Variants in SNX13 observed in about 807,000 individuals in gnomAD.
SNX13 encodes the protein sorting nexin 13, also known as sorting nexin-13.
Under a neutral mutation model 133.6 loss-of-function variants are expected in SNX13, and 45 were observed. That is an observed-to-expected ratio of 0.34 (90% CI 0.27 to 0.43). The LOEUF is 0.43. Ranked by LOEUF, SNX13 falls within the 20% of genes least tolerant of loss-of-function variation. The probability of loss-of-function intolerance (pLI) is 1.00; values close to 1 mark genes in which losing one functional copy is unlikely to be tolerated. For synonymous variants in SNX13, 414 were observed against 373.9 expected (o/e 1.11, Z -1.24); for missense variants, 1,032 against 1,145.1 (o/e 0.90, Z 1.43).
At chr7:17,815,237 A>G (rs1669849606) in intron 19 of SNX13, among the ~76,000 whole-genome samples, 1 of 152,208 alleles carries the variant, frequency 6.6e-6, no homozygotes, top group South Asian at 2.1e-4. Context: ...AGCTTATACT[A>G]AGAAGATCCA....
chr7:17,854,394 A>G (rs1026389910), intron 9 of SNX13, among the ~76,000 whole-genome samples: 3 of 152,236 alleles, frequency 2.0e-5, no homozygotes, highest in African/African-American at 4.8e-5. Flanking sequence ...AAAGTCATTA[A>G]AACAATAAAA....
chr7:17,930,898 T>C (rs954387829), intron 1 of SNX13, among the ~76,000 whole-genome samples: 1 of 152,148 alleles, frequency 6.6e-6, no homozygotes. Flanking sequence ...AGGATCTAGG[T>C]TGCATATTCC....
intron 13 of SNX13, among the ~76,000 whole-genome samples, chr7:17,837,432 A>G (rs931596033): frequency 6.6e-6 from 1 of 152,010 alleles, no homozygotes; most frequent in Non-Finnish European, 1.5e-5. Context: ...GAGCCACTGC[A>G]CCTAGCCTAA....
At chr7:17,811,585 C>T (rs6953831) in intron 20 of SNX13, among the ~76,000 whole-genome samples, 91,353 of 151,500 alleles carry the variant, frequency 0.6, 28,793 homozygotes, top group African/African-American at 0.78. Flanking sequence ...AAGTAATTTA[C>T]AGATTCAACG....
intron 1 of SNX13, among the ~76,000 whole-genome samples, chr7:17,928,676 A>G (rs1801039557): frequency 6.6e-6 from 1 of 152,218 alleles, no homozygotes; most frequent in African/African-American, 2.4e-5. Flanking sequence ...ACATCTTAAA[A>G]TCCTTGATGC....
At chr7:17,801,680 A>G (rs753435904) in intron 21 of SNX13, 21 bp from the exon 22 acceptor site, 1 of 1,563,084 alleles carries the variant, frequency 6.4e-7, no homozygotes, top group Non-Finnish European at 8.8e-7. Flanking sequence ...AACCAAATCC[A>G]CAAAGTAAAC....
intron 2 of SNX13, among the ~76,000 whole-genome samples, chr7:17,895,266 A>G (rs1797079450): frequency 6.6e-6 from 1 of 152,218 alleles, no homozygotes; most frequent in Non-Finnish European, 1.5e-5. Flanking sequence ...TTTAAACTGT[A>G]GTTGGGTGCC....
intron 8 of SNX13, among the ~76,000 whole-genome samples, chr7:17,870,346 T>C (rs796392110): frequency 9.9e-5 from 15 of 152,198 alleles, no homozygotes; most frequent in African/African-American, 2.9e-4. Flanking sequence ...TTATTTAATC[T>C]AAACAAAAAT....
intron 1 of SNX13, chr7:17,897,700 A>C (rs1056436947): frequency 3.2e-5 from 8 of 250,936 alleles, no homozygotes; most frequent in Non-Finnish European, 6.0e-5. Flanking sequence ...GGCAATGCAA[A>C]GGTACAGGAC....
chr7:17,847,353 C>T (rs943758559), intron 11 of SNX13, among the ~76,000 whole-genome samples: 2 of 151,950 alleles, frequency 1.3e-5, no homozygotes, highest in African/African-American at 4.8e-5. Flanking sequence ...TTTTTTGAGA[C>T]GGAGTGTCGC....
At chr7:17,808,898 G>A (rs1287210197) in intron 20 of SNX13, among the ~76,000 whole-genome samples, 2 of 152,082 alleles carry the variant, frequency 1.3e-5, no homozygotes, top group Non-Finnish European at 2.9e-5. Flanking sequence ...TTACAGACAA[G>A]CAAATGCAGA....
rs888476887 is a variant in SNX13, at chr7:17,887,786, T to G, written c.440+2577A>C. ...GAATAAATACAAACACTAGAAATCATGGGTTCTAAACATTTTCTGAGTTCA... is the reference window on the plus strand; with the variant it reads ...GAATAAATACAAACACTAGAAATCAGGGGTTCTAAACATTTTCTGAGTTCA... On this transcript the variant is annotated intron_variant, in intron 5 of 25. Transcript: ENST00000428135. Among the ~76,000 whole-genome samples the G allele has an allele frequency of 5.1e-4, 78 of 151,538 alleles. 3 individuals are homozygous for G. Among genetic ancestry groups the G allele is most frequent in the Admixed American group, 2.0e-4 (3 of 15,202 alleles).
chr7:17,791,353 C>T lies in SNX13; in HGVS notation c.*2692G>A, dbSNP rs1783516581. On this transcript the variant is annotated 3_prime_UTR_variant, in exon 26 of 26. Coordinates refer to ENST00000428135, the MANE Select transcript of SNX13 (RefSeq NM_015132.5). ...ACCAGCAGCACAAACTTAAAATGAA[C>T]AAACTGAAATATTCAAGAAAGTTTT... 6.7e-6 allele frequency: 1 copy of T among 150,068 alleles called. No individual in the cohort carries two copies. The highest frequency in any genetic ancestry group is 2.1e-4 in the South Asian group (1 of 4,770). 9.3% of individuals were successfully genotyped at this position (150,068 alleles called of 1,614,324 possible).
chr7:17,834,460 G>A (rs1202759810), intron 14 of SNX13, among the ~76,000 whole-genome samples: 1 of 151,788 alleles, frequency 6.6e-6, no homozygotes, highest in Non-Finnish European at 1.5e-5. Context: ...CAAGGCTCAT[G>A]TTAAAATGAA....
intron 20 of SNX13, among the ~76,000 whole-genome samples, chr7:17,814,020 T>C (rs1786362665): frequency 6.6e-6 from 1 of 152,144 alleles, no homozygotes; most frequent in Non-Finnish European, 1.5e-5. Context: ...TTGAAATAAT[T>C]TCAGACTTAT....
chr7:17,878,835 T>C (rs1272427260), intron 5 of SNX13, among the ~76,000 whole-genome samples: 1 of 152,172 alleles, frequency 6.6e-6, no homozygotes, highest in Admixed American at 6.5e-5. Flanking sequence ...ACAGGCTTTC[T>C]TTCCATTTGT....
At chr7:17,915,722 C>T (rs1799489013) in intron 1 of SNX13, among the ~76,000 whole-genome samples, 1 of 152,146 alleles carries the variant, frequency 6.6e-6, no homozygotes, top group Non-Finnish European at 1.5e-5. Context: ...ACTTCAACAT[C>T]CAACTGACAA....
intron 20 of SNX13, 40 bp from the exon 21 acceptor site, chr7:17,803,620 C>A: frequency 1.3e-6 from 2 of 1,530,762 alleles, no homozygotes; most frequent in Admixed American, 4.1e-5. Context: ...CTTTATTGTA[C>A]CAGAGTTGTT....
At chr7:17,917,942 T>C (rs993792474) in intron 1 of SNX13, among the ~76,000 whole-genome samples, 8 of 152,212 alleles carry the variant, frequency 5.3e-5, no homozygotes, top group Admixed American at 2.0e-4. Context: ...CAAAACACCA[T>C]GGTACTGGTA....
Sources: allele counts gnomAD v4.1 joint callset (sites outside exome capture counted in the v4.1 genomes callset), GRCh38; gene constraint gnomAD v4.1.1; transcripts MANE v1.5; gene names NCBI Gene and HGNC (gene_info 2026-07-23, HGNC 2026-07-21).